SCN10A: variants seen among roughly 807,000 people sequenced by gnomAD.
The protein encoded by SCN10A is sodium channel protein type 10 subunit alpha.
A neutral mutation model predicts 170.7 loss-of-function variants in SCN10A; 162 were observed. The observed-to-expected ratio is 0.95, with a 90% CI of 0.84 to 1.08. The LOEUF is 1.08. Ranked by LOEUF, SCN10A falls within the 50% of genes least tolerant of loss-of-function variation. The pLI, the probability that SCN10A is intolerant of heterozygous loss-of-function variation, is 0.00. For missense variants in SCN10A, 2,527 were observed against 2,436.9 expected (o/e 1.04, Z -0.78); for synonymous variants, 985 against 904.6 (o/e 1.09, Z -1.59).
At chr3:38,773,614 AT>A (rs1251824099) in intron 4 of SCN10A, among the ~76,000 whole-genome samples, 2 of 152,252 alleles carry the variant, frequency 1.3e-5, no homozygotes, top group East Asian at 3.8e-4. Context: ...AAACAAAAAA[AT>A]AAAATCCTTA....
At chr3:38,774,509 T>G (rs2064047995) in intron 4 of SCN10A, among the ~76,000 whole-genome samples, 1 of 152,190 alleles carries the variant, frequency 6.6e-6, no homozygotes, top group South Asian at 2.1e-4. Flanking sequence ...TGTTATTTCC[T>G]AAGTGCTTTT....
chr3:38,735,062 C>G (rs2063546121), intron 15 of SCN10A, among the ~76,000 whole-genome samples: 1 of 149,918 alleles, frequency 6.7e-6, no homozygotes, highest in Non-Finnish European at 1.5e-5. Context: ...CCCAGCTACT[C>G]AGGAGGCTGA....
At chr3:38,756,643 C>T in intron 10 of SCN10A, 31 bp downstream of exon 10, 2 of 1,584,940 alleles carry the variant, frequency 1.3e-6, no homozygotes, top group African/African-American at 2.7e-5. Context: ...AGTCTGCAAC[C>T]TTCTTCACAA....
At chr3:38,811,022 G>T (rs1248724915) in intron 1 of SCN10A, among the ~76,000 whole-genome samples, 1 of 152,200 alleles carries the variant, frequency 6.6e-6, no homozygotes, top group African/African-American at 2.4e-5. Context: ...GGATAGGGTA[G>T]TGATTATAAT....
intron 1 of SCN10A, among the ~76,000 whole-genome samples, chr3:38,794,394 T>C (rs746606580): frequency 3.9e-5 from 6 of 152,202 alleles, no homozygotes; most frequent in Non-Finnish European, 8.8e-5. Flanking sequence ...CTCTCCCATA[T>C]TCATCAAAGA....
intron 4 of SCN10A, among the ~76,000 whole-genome samples, chr3:38,781,206 G>C (rs1243401211): frequency 6.6e-6 from 1 of 152,108 alleles, no homozygotes; most frequent in African/African-American, 2.4e-5. Context: ...GCAATGACCA[G>C]CTTGGTGGCT....
Position 38,707,159 on chromosome 3 carries a change from C to A in SCN10A, c.4386+120G>T, listed in dbSNP as rs925121622. 10 of 1,063,500 alleles carry A rather than the reference C, an allele frequency of 9.4e-6. No homozygotes were observed. The East Asian group carries it at 2.2e-4, about 23-fold the overall frequency. The allele number at this position is 1,063,500 out of a possible 1,614,324, so 65.9% of individuals were successfully genotyped here. On this transcript the variant is annotated intron_variant, in intron 26 of 27. Coordinates refer to ENST00000449082, the MANE Select transcript of SCN10A (RefSeq NM_006514.4). ...GGAACCCTCATCACCCTCATCCCAA[C>A]GTCAACCCAGATCTTCTCTTCCATA...
rs117290569 is a variant in SCN10A, at chr3:38,770,472, G to T, written c.599+807C>A. Among the ~76,000 whole-genome samples the T allele has an allele frequency of 2.7e-4, 41 of 152,184 alleles. No individual in the cohort carries two copies. The East Asian group carries it at 7.7e-3, about 29-fold the overall frequency. ...GGTTGGTTCTCAGGCCAGTGGGGTT[G>T]TGTTCCAGAGGGAATTTTGGCTGCC... is the stretch of plus-strand genomic sequence containing the variant. On this transcript the variant is annotated intron_variant, in intron 5 of 27. Coordinates refer to ENST00000449082, the MANE Select transcript of SCN10A (RefSeq NM_006514.4).
At chr3:38,792,984 T>C (rs1178556110) in intron 2 of SCN10A, among the ~76,000 whole-genome samples, 2 of 152,038 alleles carry the variant, frequency 1.3e-5, no homozygotes, top group Admixed American at 6.6e-5. Flanking sequence ...TATATACCTA[T>C]ATATACATAA....
intron 20 of SCN10A, 113 bp downstream of exon 20, chr3:38,722,145 G>A (rs940374630): frequency 2.9e-6 from 3 of 1,022,136 alleles, no homozygotes; most frequent in Non-Finnish European, 4.3e-6. Context: ...TGACAAGGTT[G>A]GGGACTTTCA....
At chr3:38,722,454 C>A (rs748367875) in intron 19 of SCN10A, 42 bp from the exon 20 acceptor site, 1 of 1,592,666 alleles carries the variant, frequency 6.3e-7, no homozygotes. Flanking sequence ...GGCCAGTGGG[C>A]AAAGGGGATA....
chr3:38,806,607 C>T (rs528376057), intron 1 of SCN10A, among the ~76,000 whole-genome samples: 12 of 152,114 alleles, frequency 7.9e-5, no homozygotes, highest in Non-Finnish European at 1.5e-4. Flanking sequence ...GAGATGATTA[C>T]CTCGGCCCTA....
chr3:38,792,310 G>T, intron 2 of SCN10A, 142 bp from the exon 3 acceptor site: 1 of 1,053,018 alleles, frequency 9.5e-7, no homozygotes, highest in Non-Finnish European at 1.4e-6. Context: ...AGAGTCAAAT[G>T]CAGGTACAGA....
chr3:38,735,771 A>C (rs922980282), intron 15 of SCN10A, among the ~76,000 whole-genome samples: 1 of 152,242 alleles, frequency 6.6e-6, no homozygotes, highest in Non-Finnish European at 1.5e-5. Context: ...AAGCAATGCT[A>C]TTTTGGGAGA....
At chr3:38,710,599 C>T (rs1179013400) in intron 24 of SCN10A, among the ~76,000 whole-genome samples, 1 of 152,126 alleles carries the variant, frequency 6.6e-6, no homozygotes, top group East Asian at 1.9e-4. Context: ...CTGATGCTTT[C>T]CTCAACAGTG....
In SCN10A at chr3:38,697,150, TC is replaced by T; in HGVS notation, c.*198del. 1.4e-6 allele frequency: 1 copy of T among 707,070 alleles called. No homozygotes were observed. Among genetic ancestry groups the T allele is most frequent in the Non-Finnish European group, 2.3e-6 (1 of 442,072 alleles). The allele number at this position is 707,070 out of a possible 1,614,324, so 43.8% of individuals were successfully genotyped here. Reference sequence around the variant, plus strand: ...AGAAGGGAAATCACAGTGGAAGTGCTCTTAGCTTCTGACTCCTATTTGTGTA... The same window carrying T: ...AGAAGGGAAATCACAGTGGAAGTGCTTTAGCTTCTGACTCCTATTTGTGTA... On this transcript the variant is annotated 3_prime_UTR_variant, in exon 28 of 28. Transcript: ENST00000449082.
chr3:38,760,578 C>A lies in SCN10A; in HGVS notation c.950+103G>T, dbSNP rs1431916294. 1.3e-5 allele frequency: 12 copies of A among 898,620 alleles called. No individual in the cohort carries two copies. The South Asian group carries it at 1.6e-4, about 12-fold the overall frequency. The allele number at this position is 898,620 out of a possible 1,614,324, so 55.7% of individuals were successfully genotyped here. On this transcript the variant is annotated intron_variant, in intron 8 of 27. Coordinates refer to ENST00000449082, the MANE Select transcript of SCN10A (RefSeq NM_006514.4). ...GGCCATGATTTATTTATTTATACAT[C>A]TTTCCCAGGACCTGCAACCCCATCT...
At chr3:38,749,180 T>C (rs1186777488) in intron 13 of SCN10A, among the ~76,000 whole-genome samples, 1 of 152,230 alleles carries the variant, frequency 6.6e-6, no homozygotes, top group Non-Finnish European at 1.5e-5. Context: ...TGGTTTCTAT[T>C]GCTCACCACT....
At position 38,697,875 on chromosome 3, in the gene SCN10A, C is replaced by T. The variant is rs267599796; in HGVS notation, c.5345G>A (p.Arg1782Gln). The T allele has an allele frequency of 1.4e-5, 22 of 1,613,914 alleles. No individual in the cohort carries two copies. The highest frequency in any genetic ancestry group is 2.2e-5 in the South Asian group (2 of 91,060). Residue 1782 changes from arginine (R) to glutamine (Q), a missense_variant, in exon 28 of 28, where the codon CGA becomes CAA. Physicochemically the swap from Arg to Gln is conservative, Grantham distance 43 (BLOSUM62 1). Coordinates refer to ENST00000449082, the MANE Select transcript of SCN10A (RefSeq NM_006514.4). ...SGPLRIPKPN[R>Q]NILIQMDLPL... is the part of the protein sequence containing the mutation. ...CAGGTCCATCTGGATCAGTATATTT[C>T]GATTGGGTTTTGGGATTCTCAGGGG... is the stretch of plus-strand genomic sequence containing the variant.
Sources: gnomAD v4.1 joint callset for allele counts (sites outside exome capture counted in the v4.1 genomes callset) on GRCh38, gnomAD v4.1.1 for gene constraint, MANE v1.5 for transcripts, NCBI Gene and HGNC (gene_info 2026-07-23, HGNC 2026-07-21) for gene names.